The following ZC3H12B variants were observed in gnomAD, a reference collection of about 807,000 sequenced individuals.
ZC3H12B encodes the protein zinc finger CCCH-type containing 12B.
In ZC3H12B, 7 loss-of-function variants were observed where a neutral mutation model predicts 43.9. That is an observed-to-expected ratio of 0.16 (90% CI 0.09 to 0.30). The LOEUF is 0.30. ZC3H12B is among the 10% of genes least tolerant of loss of function. The pLI, the probability that ZC3H12B is intolerant of heterozygous loss-of-function variation, is 1.00. For synonymous variants in ZC3H12B, 222 were observed against 241.7 expected, an observed-to-expected ratio of 0.92 and a Z score of 0.76; for missense variants, 475 against 670.2, an observed-to-expected ratio of 0.71 and a Z score of 3.22.
the ZC3H12B span, chrX:65,271,618 A>G: frequency 8.9e-6 from 1 of 112,392 alleles, no homozygotes; most frequent in South Asian, 3.7e-4. Flanking sequence ...GGCCACTAAC[A>G]GTGTGACTTC....
chrX:65,339,125 G>A, the ZC3H12B span, among the ~76,000 whole-genome samples: 1 of 111,875 alleles, frequency 8.9e-6, no homozygotes, highest in South Asian at 3.8e-4. Context: ...ACATTAAGAA[G>A]CAGGGAAAAG....
the ZC3H12B span, among the ~76,000 whole-genome samples, chrX:65,165,254 A>G: frequency 3.6e-5 from 4 of 112,103 alleles, no homozygotes; most frequent in African/African-American, 1.3e-4. Context: ...CTCCAGTTTT[A>G]CTTTTTAAAT....
rs910749592 is a variant in ZC3H12B, at chrX:65,503,276, A to G, written c.*67A>G. ...ATACTAATAATACACTAATACAATA[A>G]TTATAGTAACTAATAATTTGTGTTG... is the stretch of plus-strand genomic sequence containing the variant. On this transcript the variant is annotated 3_prime_UTR_variant, in exon 5 of 5. Coordinates refer to ENST00000338957, the Ensembl canonical transcript of ZC3H12B. The G allele has an allele frequency of 5.6e-6, 5 of 893,674 alleles. No individual in the cohort carries two copies. In the Admixed American group the frequency reaches 1.2e-4, roughly 21 times the overall value. The allele number at this position is 893,674 out of a possible 1,213,427, so 73.6% of individuals were successfully genotyped here. A position where few individuals can be genotyped will look rare whatever the true frequency, so the allele number is the denominator to read the frequency against.
At chrX:65,385,173 C>A (rs568398338) in intron 2 of ZC3H12B, among the ~76,000 whole-genome samples, 106 of 111,984 alleles carry the variant, frequency 9.5e-4, no homozygotes, top group Middle Eastern at 4.6e-3. Context: ...TAGTTTTTTC[C>A]AATTCTGTGA....
intron 3 of ZC3H12B, among the ~76,000 whole-genome samples, chrX:65,453,479 G>T (rs1165924748): frequency 9.9e-6 from 1 of 101,353 alleles, no homozygotes; most frequent in Admixed American, 1.1e-4. Flanking sequence ...CCAGCACTTT[G>T]GGAGGCCAGG....
chrX:65,448,058 C>G (rs1457178043), intron 3 of ZC3H12B, among the ~76,000 whole-genome samples: 6 of 110,594 alleles, frequency 5.4e-5, no homozygotes, highest in African/African-American at 2.0e-4. Flanking sequence ...CAGTGAAACC[C>G]CGTCTCTACT....
chrX:65,128,131 T>G, the ZC3H12B span, among the ~76,000 whole-genome samples: 2 of 112,256 alleles, frequency 1.8e-5, no homozygotes, highest in Non-Finnish European at 3.8e-5. Flanking sequence ...TCTATCCAAG[T>G]AGGAGCTGCA....
intron 3 of ZC3H12B, among the ~76,000 whole-genome samples, chrX:65,444,103 T>G (rs2067342765): frequency 8.9e-6 from 1 of 112,544 alleles, no homozygotes; most frequent in African/African-American, 3.2e-5. Context: ...CTTATCTACC[T>G]CTCTGTGAGA....
the ZC3H12B span, among the ~76,000 whole-genome samples, chrX:65,283,120 C>A: frequency 2.7e-5 from 3 of 111,467 alleles, no homozygotes; most frequent in Non-Finnish European, 5.7e-5. Context: ...AAAAGCTTAT[C>A]CACCAAGATC....
the ZC3H12B span, among the ~76,000 whole-genome samples, chrX:65,116,930 G>A: frequency 4.5e-5 from 5 of 112,105 alleles, no homozygotes; most frequent in Middle Eastern, 4.6e-3. Context: ...TGGTGTATAT[G>A]TGCCACATTT....
At chrX:65,288,251 C>A in the ZC3H12B span, among the ~76,000 whole-genome samples, 2 of 110,867 alleles carry the variant, frequency 1.8e-5, no homozygotes, top group Non-Finnish European at 3.8e-5. Context: ...TACCAATCCT[C>A]CTGAAGCTAT....
At chrX:65,095,018 C>T in the ZC3H12B span, among the ~76,000 whole-genome samples, 1 of 111,985 alleles carries the variant, frequency 8.9e-6, no homozygotes, top group African/African-American at 3.2e-5. Context: ...CATGTCAAGA[C>T]AAACTGAGAA....
chrX:65,494,028 T>A (rs1262473852), intron 1 of ZC3H12B, among the ~76,000 whole-genome samples: 2 of 111,174 alleles, frequency 1.8e-5, no homozygotes, highest in African/African-American at 6.5e-5. Context: ...AGTGGCATAC[T>A]TTTAATATAT....
chrX:65,187,467 T>C, the ZC3H12B span, among the ~76,000 whole-genome samples: 2 of 111,462 alleles, frequency 1.8e-5, no homozygotes, highest in African/African-American at 6.5e-5. Context: ...TAAGAGACTC[T>C]ACCATGATAG....
At chrX:65,484,258 C>T (rs2068097924), upstream of ZC3H12B, among the ~76,000 whole-genome samples, 1 of 111,089 alleles carries the variant, frequency 9.0e-6, no homozygotes, top group Non-Finnish European at 1.9e-5. Flanking sequence ...GGGTACTGGG[C>T]TTAATACCTG....
chrX:65,366,572 A>T (rs1456552051), upstream of ZC3H12B: 3 of 111,933 alleles, frequency 2.7e-5, no homozygotes, highest in Non-Finnish European at 3.8e-5. Context: ...TTCTATAAAG[A>T]TTTAACTCCG....
the ZC3H12B span, among the ~76,000 whole-genome samples, chrX:65,047,924 G>A: frequency 9.1e-6 from 1 of 110,440 alleles, no homozygotes; most frequent in South Asian, 3.8e-4. Flanking sequence ...TTTTAAAATT[G>A]TGGTAAGAAA....
the ZC3H12B span, among the ~76,000 whole-genome samples, chrX:65,120,540 G>A: frequency 9.0e-6 from 1 of 111,691 alleles, no homozygotes; most frequent in Admixed American, 9.5e-5. Flanking sequence ...AGCTTAAGGA[G>A]ATTTTAGGCT....
the ZC3H12B span, among the ~76,000 whole-genome samples, chrX:65,228,312 G>C: frequency 1.8e-5 from 2 of 111,615 alleles, no homozygotes; most frequent in Non-Finnish European, 3.8e-5. Context: ...ATGCAGAAAA[G>C]GCCTTTGACA....
Sources: allele counts gnomAD v4.1 joint callset (sites outside exome capture counted in the v4.1 genomes callset), GRCh38; gene constraint gnomAD v4.1.1; transcripts MANE v1.5; gene names NCBI Gene and HGNC (gene_info 2026-07-23, HGNC 2026-07-21).